Variants in TRPM3 observed in about 807,000 individuals in gnomAD.
The protein encoded by TRPM3 is long transient receptor potential channel 3.
A neutral mutation model predicts 181.2 loss-of-function variants in TRPM3; 77 were observed. That is an observed-to-expected ratio of 0.42 (90% CI 0.35 to 0.51). TRPM3 has a LOEUF of 0.51. Ranked by LOEUF, TRPM3 falls within the 20% of genes least tolerant of loss-of-function variation. TRPM3 has a pLI of 0.01. For missense variants in TRPM3, 1,759 were observed against 2,196.7 expected, an observed-to-expected ratio of 0.80 and a Z score of 3.98; for synonymous variants, 745 against 796.4, an observed-to-expected ratio of 0.94 and a Z score of 1.09.
At chr9:71,389,018 T>A (rs1264553899) in intron 1 of TRPM3, among the ~76,000 whole-genome samples, 1 of 151,980 alleles carries the variant, frequency 6.6e-6, no homozygotes, top group Non-Finnish European at 1.5e-5. Context: ...AAGAGATGTC[T>A]TAACTCCAAA....
intron 1 of TRPM3, among the ~76,000 whole-genome samples, chr9:71,045,397 C>T (rs112242269): frequency 4.6e-5 from 7 of 152,254 alleles, no homozygotes; most frequent in African/African-American, 1.7e-4. Flanking sequence ...CAAGTTATTA[C>T]ACTAAAATGA....
chr9:70,948,674 T>A (rs2096962651), intron 1 of TRPM3, among the ~76,000 whole-genome samples: 2 of 152,180 alleles, frequency 1.3e-5, no homozygotes, highest in African/African-American at 4.8e-5. Context: ...GCAGCAAACA[T>A]AATTTTTGCT....
At chr9:71,272,247 G>A (rs937565722) in intron 1 of TRPM3, among the ~76,000 whole-genome samples, 2 of 152,214 alleles carry the variant, frequency 1.3e-5, no homozygotes, top group Admixed American at 1.3e-4. Context: ...TTGGTATTGA[G>A]AGAAACTGAC....
intron 9 of TRPM3, among the ~76,000 whole-genome samples, chr9:70,658,519 A>T (rs910327789): frequency 1.3e-5 from 2 of 152,130 alleles, no homozygotes; most frequent in South Asian, 4.1e-4. Flanking sequence ...TATGTGTTTC[A>T]AAATTATGAG....
At chr9:70,930,190 G>A (rs1023307562) in intron 1 of TRPM3, among the ~76,000 whole-genome samples, 2 of 152,160 alleles carry the variant, frequency 1.3e-5, no homozygotes, top group East Asian at 1.9e-4. Flanking sequence ...GATGGGAAAA[G>A]CTCAGTTTAG....
chr9:71,360,065 A>G (rs1317494761), intron 1 of TRPM3, among the ~76,000 whole-genome samples: 1 of 152,198 alleles, frequency 6.6e-6, no homozygotes, highest in Non-Finnish European at 1.5e-5. Flanking sequence ...TGGCCGGCAC[A>G]TAACTACAAT....
chr9:71,220,356 TTTATTATTATTA>T (rs34805476), intron 1 of TRPM3, among the ~76,000 whole-genome samples: 3 of 145,928 alleles, frequency 2.1e-5, no homozygotes, highest in Non-Finnish European at 3.0e-5. Context: ...AAAAGTCTGA[TTTATTATTATTA>T]TTATTATTAT....
chr9:70,745,982 G>A (rs563654643), intron 8 of TRPM3, among the ~76,000 whole-genome samples: 2 of 152,252 alleles, frequency 1.3e-5, no homozygotes, highest in East Asian at 3.9e-4. Flanking sequence ...TAGAATAATT[G>A]TAGTTACAGT....
intron 25 of TRPM3, among the ~76,000 whole-genome samples, chr9:70,544,533 A>G (rs967966153): frequency 1.3e-5 from 2 of 152,154 alleles, no homozygotes; most frequent in Non-Finnish European, 2.9e-5. Flanking sequence ...CAATGAGCTG[A>G]TGTCACGAAA....
At chr9:70,846,645 G>T (rs1027162340) in intron 3 of TRPM3, 54 bp from the exon 4 acceptor site, 2 of 1,447,064 alleles carry the variant, frequency 1.4e-6, no homozygotes, top group African/African-American at 2.8e-5. Flanking sequence ...GGCTGAGGCT[G>T]GTTATCTTTA....
intron 1 of TRPM3, among the ~76,000 whole-genome samples, chr9:71,090,315 A>G (rs977663160): frequency 4.6e-5 from 7 of 152,210 alleles, no homozygotes; most frequent in African/African-American, 1.7e-4. Flanking sequence ...ACAGTTGCTA[A>G]GAAGACTTTC....
chr9:71,110,701 G>T (rs2070878635), intron 1 of TRPM3, among the ~76,000 whole-genome samples: 1 of 152,096 alleles, frequency 6.6e-6, no homozygotes, highest in Admixed American at 6.6e-5. Context: ...CTTATTCTAG[G>T]TAACTCAGCT....
intron 1 of TRPM3, among the ~76,000 whole-genome samples, chr9:70,927,448 C>T (rs1027993665): frequency 5.3e-5 from 8 of 152,114 alleles, no homozygotes; most frequent in Non-Finnish European, 1.2e-4. Flanking sequence ...AAAAGAATTT[C>T]AATGCACTGG....
chr9:70,945,939 G>C (rs140224771), intron 1 of TRPM3, among the ~76,000 whole-genome samples: 2 of 152,220 alleles, frequency 1.3e-5, no homozygotes, highest in East Asian at 3.9e-4. Flanking sequence ...AGGAAGTATA[G>C]TACATGAATA....
At chr9:71,038,800 G>A (rs1388800979) in intron 1 of TRPM3, among the ~76,000 whole-genome samples, 2 of 152,052 alleles carry the variant, frequency 1.3e-5, no homozygotes, top group African/African-American at 4.8e-5. Flanking sequence ...TCTGAAGGAT[G>A]GGTAGGAGAT....
intron 1 of TRPM3, among the ~76,000 whole-genome samples, chr9:71,243,387 C>T (rs564481131): frequency 3.0e-4 from 45 of 152,312 alleles, no homozygotes; most frequent in African/African-American, 1.0e-3. Context: ...CTGTCATCTC[C>T]GCTGTGCAGC....
intron 1 of TRPM3, among the ~76,000 whole-genome samples, chr9:71,286,388 A>C (rs1264090136): frequency 1.3e-5 from 2 of 152,194 alleles, no homozygotes; most frequent in Non-Finnish European, 2.9e-5. Context: ...TGCAAAGCTC[A>C]TTTTGCAAAA....
intron 8 of TRPM3, among the ~76,000 whole-genome samples, chr9:70,752,739 A>G (rs1293982441): frequency 1.3e-5 from 2 of 152,150 alleles, no homozygotes; most frequent in East Asian, 3.9e-4. Context: ...TGCCATTCAA[A>G]TTTGTAGCCT....
At chr9:71,146,161 G>A (rs2075394768) in intron 1 of TRPM3, among the ~76,000 whole-genome samples, 1 of 152,156 alleles carries the variant, frequency 6.6e-6, no homozygotes, top group Admixed American at 6.6e-5. Context: ...TTATCTTGTA[G>A]ATACTCCTTA....
Sources: allele counts gnomAD v4.1 joint callset (sites outside exome capture counted in the v4.1 genomes callset), GRCh38; gene constraint gnomAD v4.1.1; transcripts MANE v1.5; gene names NCBI Gene and HGNC (gene_info 2026-07-23, HGNC 2026-07-21).